PARD6G: variants seen among roughly 807,000 people sequenced by gnomAD.
PARD6G encodes par-6 family cell polarity regulator gamma.
In PARD6G, 7 loss-of-function variants were observed where a neutral mutation model predicts 10.7. The observed-to-expected ratio is 0.66, with a 90% CI of 0.37 to 1.23. PARD6G has a LOEUF of 1.23. Among genes scored for constraint, PARD6G ranks in the 50% most tolerant of loss-of-function variants. The probability of loss-of-function intolerance (pLI) is 0.02; values close to 1 mark genes in which losing one functional copy is unlikely to be tolerated. For synonymous variants in PARD6G, 287 were observed against 269.4 expected, an observed-to-expected ratio of 1.07 and a Z score of -0.64; for missense variants, 548 against 571.8, an observed-to-expected ratio of 0.96 and a Z score of 0.42.
At chr18:80,185,846 CCACA>C (rs1489562427) in intron 2 of PARD6G, among the ~76,000 whole-genome samples, 1 of 131,078 alleles carries the variant, frequency 7.6e-6, no homozygotes, top group African/African-American at 2.9e-5. Flanking sequence ...ACGCATGCAC[CCACA>C]CAGGCACCCT....
rs1393354697 is a variant in PARD6G, at chr18:80,200,617, C to T, written c.295+2093G>A. Among the ~76,000 whole-genome samples the T allele has an allele frequency of 1.3e-5, 2 of 152,266 alleles. No homozygotes were observed. The highest frequency in any genetic ancestry group is 2.9e-5 in the Non-Finnish European group (2 of 68,026). On this transcript the variant is annotated intron_variant, in intron 2 of 2. Coordinates refer to ENST00000353265, the MANE Select transcript of PARD6G (RefSeq NM_032510.4). This position sits in a 1 kb window ranked among gnomAD's most constrained non-coding sequence, Gnocchi z 4.4. ...AGGAAGGCAGGGGCTGCTGGCGACA[C>T]GCTCACGCTATAACCACGAGAGACT...
At chr18:80,166,417 T>G (rs1286446302) in intron 2 of PARD6G, among the ~76,000 whole-genome samples, 1 of 151,452 alleles carries the variant, frequency 6.6e-6, no homozygotes, top group Non-Finnish European at 1.5e-5. Context: ...CAGACACTGC[T>G]GGTGTGACCC....
At chr18:80,174,167 C>G (rs570788696) in intron 2 of PARD6G, among the ~76,000 whole-genome samples, 1 of 152,336 alleles carries the variant, frequency 6.6e-6, no homozygotes, top group Non-Finnish European at 1.5e-5. Context: ...AGTTCACAGC[C>G]AAGCCTGTTC....
Position 80,202,943 on chromosome 18 carries a change from AGAGACGGGGTGGGGGGAGGGG to A in PARD6G, c.73-32_73-12del. ...GAATTCCGCCCCAAACTACAATGCAAGAGACGGGGTGGGGGGAGGGGCATTAATAAATACCAGAGAAATATC... is the reference window on the plus strand; with the variant it reads ...GAATTCCGCCCCAAACTACAATGCAACATTAATAAATACCAGAGAAATATC... On this transcript the variant is annotated splice_polypyrimidine_tract_variant and intron_variant, in intron 1 of 2. Coordinates refer to ENST00000353265, the MANE Select transcript of PARD6G (RefSeq NM_032510.4). 2.0e-6 allele frequency: 1 copy of A among 505,278 alleles called. No homozygotes were observed. The allele number at this position is 505,278 out of a possible 1,614,324, so 31.3% of individuals were successfully genotyped here.
At chr18:80,160,683 T>C (rs1426345151) in intron 2 of PARD6G, 77 bp from the exon 3 acceptor site, 2 of 1,420,276 alleles carry the variant, frequency 1.4e-6, no homozygotes, top group Middle Eastern at 2.6e-4. Context: ...CACCTGGCAC[T>C]GCTGTTCCAT....
At chr18:80,199,288 G>A (rs945297764) in intron 2 of PARD6G, among the ~76,000 whole-genome samples, 9 of 152,100 alleles carry the variant, frequency 5.9e-5, no homozygotes, top group African/African-American at 1.9e-4. Flanking sequence ...TTTTATGTCC[G>A]GCTTCTCTCA....
chr18:80,246,899 C>T lies in PARD6G; in HGVS notation c.72+378G>A, dbSNP rs985169904. On this transcript the variant is annotated intron_variant, in intron 1 of 2. Coordinates refer to ENST00000353265, the MANE Select transcript of PARD6G (RefSeq NM_032510.4). This position sits in a 1 kb window ranked among gnomAD's most constrained non-coding sequence, Gnocchi z 6.7. ...GGCCCCCAGAGCCCCCCCACGGCCCCGAATCCGAGCAGCCCCTGGCCCTCA... is the reference window on the plus strand; with the variant it reads ...GGCCCCCAGAGCCCCCCCACGGCCCTGAATCCGAGCAGCCCCTGGCCCTCA... Among the ~76,000 whole-genome samples the T allele has an allele frequency of 2.0e-5, 3 of 152,114 alleles. No individual in the cohort carries two copies. The highest frequency in any genetic ancestry group is 6.5e-5 in the Admixed American group (1 of 15,286).
At chr18:80,177,002 G>C (rs1247279446) in intron 2 of PARD6G, among the ~76,000 whole-genome samples, 1 of 139,564 alleles carries the variant, frequency 7.2e-6, no homozygotes, top group African/African-American at 2.7e-5. Flanking sequence ...CAGCCCAAAA[G>C]AGAAGCACGT....
In PARD6G at chr18:80,222,616, C is replaced by T. The variant is rs117362194; in HGVS notation, c.73-19684G>A. On this transcript the variant is annotated intron_variant, in intron 1 of 2. Transcript: ENST00000353265. ...TAGTACTAACATAGAGACGTATAAA[C>T]GACCAGGGGAACCGAATTGAGAGTA... 2.1e-3 allele frequency among the ~76,000 whole-genome samples: 319 copies of T among 152,256 alleles called. 3 individuals carry two copies. Among genetic ancestry groups the T allele is most frequent in the African/African-American group, 2.6e-3 (108 of 41,536 alleles).
chr18:80,186,487 C>T (rs2052879697), intron 2 of PARD6G, among the ~76,000 whole-genome samples: 1 of 145,628 alleles, frequency 6.9e-6, no homozygotes, highest in African/African-American at 2.6e-5. Flanking sequence ...CCCTCACATG[C>T]ACCCTCACAC....
Position 80,202,950 on chromosome 18 carries a change from G to C in PARD6G, c.73-18C>G. 2.6e-6 allele frequency: 1 copy of C among 387,526 alleles called. No homozygotes were observed. Among genetic ancestry groups the C allele is most frequent in the Non-Finnish European group, 5.0e-6 (1 of 198,302 alleles). The allele number at this position is 387,526 out of a possible 1,614,324, so 24.0% of individuals were successfully genotyped here. On this transcript the variant is annotated intron_variant, in intron 1 of 2. Coordinates refer to ENST00000353265, the MANE Select transcript of PARD6G (RefSeq NM_032510.4). ...GCCCCAAACTACAATGCAAGAGACG[G>C]GGTGGGGGGAGGGGCATTAATAAAT...
chr18:80,204,120 C>T (rs1279399793), intron 1 of PARD6G, among the ~76,000 whole-genome samples: 2 of 152,190 alleles, frequency 1.3e-5, no homozygotes, highest in Non-Finnish European at 1.5e-5. Context: ...AGGGTTCCGG[C>T]TCCTGTCATT....
At chr18:80,224,020 C>T (rs1217495366) in intron 1 of PARD6G, among the ~76,000 whole-genome samples, 4 of 152,150 alleles carry the variant, frequency 2.6e-5, no homozygotes, top group Non-Finnish European at 4.4e-5. Context: ...GCAGGCACTC[C>T]GAACAGGGTA....
intron 1 of PARD6G, among the ~76,000 whole-genome samples, chr18:80,220,204 G>A (rs1009015535): frequency 6.6e-6 from 1 of 152,174 alleles, no homozygotes; most frequent in Non-Finnish European, 1.5e-5. Context: ...TTGGGGGAAA[G>A]CCCCCTTATA....
chr18:80,185,485 A>T (rs1203760835), intron 2 of PARD6G, among the ~76,000 whole-genome samples: 3 of 152,108 alleles, frequency 2.0e-5, no homozygotes, highest in Non-Finnish European at 4.4e-5. Context: ...TAATGAAATT[A>T]ACTTTTGTTG....
intron 2 of PARD6G, chr18:80,171,840 ATTAAT>A (rs1206846411): frequency 6.6e-6 from 1 of 152,176 alleles, no homozygotes; most frequent in African/African-American, 2.4e-5. Flanking sequence ...TTATTCATCC[ATTAAT>A]TTAATTTGGG....
rs574679119 is a variant in PARD6G, at chr18:80,247,336, A to C, written c.13T>G (p.Phe5Val). 7 of 1,576,354 alleles carry C rather than the reference A, an allele frequency of 4.4e-6. No individual in the cohort carries two copies. In the African/African-American group the frequency reaches 9.8e-5, roughly 22 times the overall value. The stretch of plus-strand genomic sequence containing the variant: ...AATCGCAAGGTCTGAGACTTGTGAA[A>C]ACTTCGGTTCATGGTTTCGGCCCCG... MNRS[F>V]HKSQTLRFYD... The change falls in exon 1 of 3, where the codon TTT (phenylalanine) becomes GTT (valine). Residue 5 changes from phenylalanine to valine, a missense_variant. Coordinates refer to ENST00000353265, the MANE Select transcript of PARD6G (RefSeq NM_032510.4). This position sits in a 1 kb window ranked among gnomAD's most constrained non-coding sequence, Gnocchi z 4.2.
intron 1 of PARD6G, among the ~76,000 whole-genome samples, chr18:80,223,282 T>G (rs1460124366): frequency 6.6e-6 from 1 of 152,170 alleles, no homozygotes; most frequent in Non-Finnish European, 1.5e-5. Context: ...TCATTAAACT[T>G]AAAAACCTTT....
At position 80,167,745 on chromosome 18, in the gene PARD6G, C is replaced by T. The variant is rs1055548403; in HGVS notation, c.296-7139G>A. Among the ~76,000 whole-genome samples the T allele has an allele frequency of 2.0e-5, 3 of 152,094 alleles. No homozygotes were observed. The South Asian group carries it at 6.2e-4, about 31-fold the overall frequency. ...TTTCTGAGCAGCAGGGAGTGTATCC[C>T]CTCATGGTGCAGCACCTCTCAGCAG... On this transcript the variant is annotated intron_variant, in intron 2 of 2. Transcript: ENST00000353265.
Sources: gnomAD v4.1 joint callset for allele counts (sites outside exome capture counted in the v4.1 genomes callset) on GRCh38, gnomAD v4.1.1 for gene constraint, Gnocchi (gnomAD v3.1) non-coding constraint, MANE v1.5 for transcripts, NCBI Gene and HGNC (gene_info 2026-07-23, HGNC 2026-07-21) for gene names.